ZNF804A: variants seen among roughly 807,000 people sequenced by gnomAD.
ZNF804A encodes zinc finger protein 804A.
ZNF804A carries 2 observed loss-of-function variants against 16.5 expected under a neutral mutation model. The observed-to-expected ratio is 0.12, with a 90% CI of 0.05 to 0.38. The LOEUF (loss-of-function observed/expected upper bound fraction) is 0.38, where lower values mean the gene tolerates loss of function less well. Ranked by LOEUF, ZNF804A falls within the 10% of genes least tolerant of loss-of-function variation. The pLI is 0.99. For synonymous variants in ZNF804A, 534 were observed against 489.6 expected (o/e 1.09, Z -1.20); for missense variants, 1,473 against 1,390.7 (o/e 1.06, Z -0.94).
intron 1 of ZNF804A, among the ~76,000 whole-genome samples, chr2:184,852,708 C>T (rs1448829027): frequency 6.6e-6 from 1 of 151,692 alleles, no homozygotes; most frequent in Admixed American, 6.6e-5. Flanking sequence ...ACAGACTATC[C>T]TTTCCCCATT....
chr2:184,835,320 G>A (rs779393205), intron 1 of ZNF804A, among the ~76,000 whole-genome samples: 1 of 152,142 alleles, frequency 6.6e-6, no homozygotes, highest in African/African-American at 2.4e-5. Flanking sequence ...CAGCTCAGGG[G>A]TAGCTATGCA....
chr2:184,825,640 A>G (rs1165365885), intron 1 of ZNF804A, among the ~76,000 whole-genome samples: 9 of 152,126 alleles, frequency 5.9e-5, no homozygotes, highest in South Asian at 2.1e-4. Context: ...TTGACCAGGT[A>G]ACTTGGGCAA....
At chr2:184,653,643 G>A (rs777042557) in intron 1 of ZNF804A, among the ~76,000 whole-genome samples, 6 of 152,178 alleles carry the variant, frequency 3.9e-5, no homozygotes, top group Admixed American at 6.5e-5. Context: ...ATCTTCCCCT[G>A]GTTCTTCCAA....
intron 1 of ZNF804A, among the ~76,000 whole-genome samples, chr2:184,735,678 A>T (rs1485006335): frequency 6.6e-6 from 1 of 152,194 alleles, no homozygotes. Context: ...ATGGTATTTG[A>T]TGAATAGTGT....
chr2:184,607,214 A>G (rs892448865), intron 1 of ZNF804A, among the ~76,000 whole-genome samples: 2 of 152,288 alleles, frequency 1.3e-5, no homozygotes, highest in Non-Finnish European at 1.5e-5. Flanking sequence ...AGCTTACCAC[A>G]CATGTTTATT....
chr2:184,712,469 ATG>A (rs1476174667), intron 1 of ZNF804A, among the ~76,000 whole-genome samples: 3 of 151,662 alleles, frequency 2.0e-5, no homozygotes, highest in Non-Finnish European at 4.4e-5. Context: ...TTTGTCTTTA[ATG>A]TCGACACGTT....
At chr2:184,874,310 GGA>G (rs1162102730) in intron 2 of ZNF804A, among the ~76,000 whole-genome samples, 2 of 152,026 alleles carry the variant, frequency 1.3e-5, no homozygotes, top group Non-Finnish European at 2.9e-5. Context: ...TTATTAAACT[GGA>G]TAGTGGTATC....
chr2:184,717,309 G>A (rs893536147), intron 1 of ZNF804A, among the ~76,000 whole-genome samples: 1 of 151,876 alleles, frequency 6.6e-6, no homozygotes, highest in African/African-American at 2.4e-5. Context: ...TTTCAATTAT[G>A]TACTCTTACC....
At chr2:184,791,483 T>A (rs538593671) in intron 1 of ZNF804A, among the ~76,000 whole-genome samples, 1 of 152,262 alleles carries the variant, frequency 6.6e-6, no homozygotes, top group East Asian at 1.9e-4. Context: ...AATAATAAGC[T>A]CCCAATCTCT....
chr2:184,707,727 T>A (rs1693054087), intron 1 of ZNF804A, among the ~76,000 whole-genome samples: 1 of 152,164 alleles, frequency 6.6e-6, no homozygotes, highest in Admixed American at 6.5e-5. Context: ...TCTTTGTTAT[T>A]GTGAACAGTG....
At chr2:184,655,823 G>A (rs1167233640) in intron 1 of ZNF804A, among the ~76,000 whole-genome samples, 2 of 151,918 alleles carry the variant, frequency 1.3e-5, no homozygotes, top group Admixed American at 6.6e-5. Context: ...AAAAAAGAAA[G>A]AAAATAGAAA....
chr2:184,891,674 A>C (rs1327950783), intron 2 of ZNF804A, among the ~76,000 whole-genome samples: 1 of 151,946 alleles, frequency 6.6e-6, no homozygotes, highest in African/African-American at 2.4e-5. Context: ...TTCTACCTAG[A>C]CTCTAGGGTA....
intron 1 of ZNF804A, among the ~76,000 whole-genome samples, chr2:184,866,155 C>T (rs992287507): frequency 6.6e-6 from 1 of 152,134 alleles, no homozygotes; most frequent in African/African-American, 2.4e-5. Flanking sequence ...CACATTTGTG[C>T]TATTTTTCTG....
chr2:184,803,566 A>G (rs567260819), intron 1 of ZNF804A, among the ~76,000 whole-genome samples: 2 of 152,304 alleles, frequency 1.3e-5, no homozygotes, highest in African/African-American at 4.8e-5. Context: ...GAAAATTTGA[A>G]TTCTGCTGAA....
chr2:184,818,471 C>A (rs924586350), intron 1 of ZNF804A, among the ~76,000 whole-genome samples: 2 of 151,932 alleles, frequency 1.3e-5, no homozygotes, highest in African/African-American at 2.4e-5. Flanking sequence ...ATCCACAAAC[C>A]AATGACACTA....
intron 1 of ZNF804A, among the ~76,000 whole-genome samples, chr2:184,843,436 T>TG (rs1558979305): frequency 2.6e-5 from 4 of 151,640 alleles, no homozygotes; most frequent in African/African-American, 9.7e-5. Flanking sequence ...CTAATTTTTT[T>TG]TTTGTGTGTG....
At chr2:184,755,129 G>A (rs1693939281) in intron 1 of ZNF804A, among the ~76,000 whole-genome samples, 2 of 151,892 alleles carry the variant, frequency 1.3e-5, no homozygotes, top group South Asian at 4.1e-4. Context: ...TAATTTACAT[G>A]AGAACAATCT....
In ZNF804A at chr2:184,938,723, T is replaced by TGCTGCAGCTGCAGCTGCAGCC. The variant is rs1457270775; in HGVS notation, c.3330_3350dup (p.Ala1113_Ala1119dup). 2.3e-5 allele frequency: 37 copies of TGCTGCAGCTGCAGCTGCAGCC among 1,607,718 alleles called. No individual in the cohort carries two copies. The highest frequency in any genetic ancestry group is 2.7e-5 in the African/African-American group (2 of 74,636). ...CTGTTTTGCAGCAGCACGCTGCAGCTGCTGCAGCTGCAGCTGCAGCCGCAG... is the reference window on the plus strand; with the variant it reads ...CTGTTTTGCAGCAGCACGCTGCAGCTGCTGCAGCTGCAGCTGCAGCCGCTGCAGCTGCAGCTGCAGCCGCAG... On this transcript the variant is annotated inframe_insertion, in exon 4 of 4. Transcript: ENST00000302277.
chr2:184,740,691 A>G (rs1247648284), intron 1 of ZNF804A, among the ~76,000 whole-genome samples: 2 of 152,190 alleles, frequency 1.3e-5, no homozygotes, highest in Non-Finnish European at 2.9e-5. Context: ...TTAAAATTTT[A>G]GTAACATTCT....
Sources: gnomAD v4.1 joint callset for allele counts (sites outside exome capture counted in the v4.1 genomes callset) on GRCh38, gnomAD v4.1.1 for gene constraint, MANE v1.5 for transcripts, NCBI Gene and HGNC (gene_info 2026-07-23, HGNC 2026-07-21) for gene names.